The following FAN1 variants were observed in gnomAD, a reference collection of about 807,000 sequenced individuals.
FAN1 encodes FANCD2 and FANCI associated nuclease 1.
In FAN1, 91 loss-of-function variants were observed where a neutral mutation model predicts 104.9. That is an observed-to-expected ratio of 0.87 (90% CI 0.73 to 1.03). The LOEUF is 1.03. Ranked by LOEUF, FAN1 falls within the 50% of genes least tolerant of loss-of-function variation. The pLI, the probability that FAN1 is intolerant of heterozygous loss-of-function variation, is 0.00. For missense variants in FAN1, 1,263 were observed against 1,239.9 expected (o/e 1.02, Z -0.28); for synonymous variants, 478 against 457.6 (o/e 1.04, Z -0.57).
At chr15:30,925,988 C>G in intron 10 of FAN1, 49 bp downstream of exon 10, 2 of 1,594,302 alleles carry the variant, frequency 1.3e-6, no homozygotes. Flanking sequence ...GGTGGACGAG[C>G]AGCAGCACTG....
At position 30,905,915 on chromosome 15, in the gene FAN1, T is replaced by C. The variant is rs1566908465; in HGVS notation, c.1234+18T>C. 3 of 1,597,598 alleles carry C rather than the reference T, an allele frequency of 1.9e-6. No homozygotes were observed. Among genetic ancestry groups the C allele is most frequent in the Non-Finnish European group, 2.6e-6 (3 of 1,171,500 alleles). On this transcript the variant is annotated intron_variant, in intron 2 of 14. Coordinates refer to ENST00000362065, the MANE Select transcript of FAN1 (RefSeq NM_014967.5). ...GTTATCAGGTATCTTACGCACGTGT[T>C]TGTTTTCAAGTTTTCATTCCCCTTT...
intron 13 of FAN1, among the ~76,000 whole-genome samples, chr15:30,933,038 T>G (rs990917467): frequency 6.6e-6 from 1 of 152,136 alleles, no homozygotes; most frequent in African/African-American, 2.4e-5. Flanking sequence ...CTTACTGTAT[T>G]TTAATATCTG....
rs538570301 is a variant in FAN1, at chr15:30,940,281, A to G, written c.*4-1285A>G. On this transcript the variant is annotated intron_variant, in intron 14 of 14. Transcript: ENST00000362065. ...TTGTCACACAGTTTGGAAATACTTT[A>G]CTTTAGAGAGATTCAGATCAAGCAA... is the stretch of plus-strand genomic sequence containing the variant. The G allele has an allele frequency of 1.2e-4, 116 of 984,760 alleles. No individual in the cohort carries two copies. The South Asian group carries it at 4.3e-3, about 37-fold the overall frequency. The allele number at this position is 984,760 out of a possible 1,614,324, so 61.0% of individuals were successfully genotyped here.
chr15:30,928,045 A>C, intron 10 of FAN1: 1 of 991,246 alleles, frequency 1.0e-6, no homozygotes, highest in Non-Finnish European at 1.2e-6. Flanking sequence ...CAGGGGGATG[A>C]GGTGCATCAG....
chr15:30,929,190 C>T lies in FAN1; in HGVS notation c.2593-13C>T, dbSNP rs773472889. On this transcript the variant is annotated splice_polypyrimidine_tract_variant and intron_variant, in intron 11 of 14. Transcript: ENST00000362065. ...CAGGCACAGTATGACAGCTTGCTTT[C>T]CCTGTGACACAGGCATTCCCCCTGG... 5.6e-6 allele frequency: 9 copies of T among 1,608,944 alleles called. 1 individual carries two copies. The South Asian group carries it at 7.7e-5, about 14-fold the overall frequency.
intron 2 of FAN1, among the ~76,000 whole-genome samples, chr15:30,907,098 A>G (rs1233567429): frequency 1.3e-5 from 2 of 150,638 alleles, no homozygotes; most frequent in Non-Finnish European, 3.0e-5. Flanking sequence ...AAGTTCTTTT[A>G]GAGACAAGGT....
At chr15:30,927,580 G>A (rs1437721721) in intron 10 of FAN1, 3 of 985,460 alleles carry the variant, frequency 3.0e-6, no homozygotes, top group Admixed American at 6.2e-5. Flanking sequence ...CCCACTCACT[G>A]TGGTACCACG....
chr15:30,940,647 A>G (rs764216738), intron 14 of FAN1: 23 of 986,218 alleles, frequency 2.3e-5, no homozygotes, highest in Non-Finnish European at 2.5e-5. Context: ...CTGTGGAATC[A>G]GCACCCCAGA....
chr15:30,912,047 G>A (rs1272011049), intron 4 of FAN1, among the ~76,000 whole-genome samples: 3 of 132,168 alleles, frequency 2.3e-5, no homozygotes, highest in Non-Finnish European at 4.8e-5. Context: ...GGGTGACAGA[G>A]TGAGACTCCA....
chr15:30,942,799 GA>G lies in FAN1; in HGVS notation c.*1239del. 1 of 1,303,524 alleles carries G rather than the reference GA, an allele frequency of 7.7e-7. No individual in the cohort carries two copies. Among genetic ancestry groups the G allele is most frequent in the Non-Finnish European group, 1.0e-6 (1 of 962,584 alleles). The allele number at this position is 1,303,524 out of a possible 1,614,324, so 80.7% of individuals were successfully genotyped here. A position where few individuals can be genotyped will look rare whatever the true frequency, so the allele number is the denominator to read the frequency against. On this transcript the variant is annotated 3_prime_UTR_variant, in exon 15 of 15. Transcript: ENST00000362065. ...ACCCGCATTAGCAGTGTTACTCTTG[GA>G]AGTGCCTTTACTTTTAACGCTCTCT...
At chr15:30,916,810 A>T (rs1246894027) in intron 5 of FAN1, among the ~76,000 whole-genome samples, 2 of 152,228 alleles carry the variant, frequency 1.3e-5, no homozygotes, top group Admixed American at 1.3e-4. Context: ...ATAGAAATTA[A>T]CCACTATTTA....
chr15:30,938,724 G>A (rs1256006199), intron 14 of FAN1, among the ~76,000 whole-genome samples: 1 of 152,132 alleles, frequency 6.6e-6, no homozygotes, highest in African/African-American at 2.4e-5. Context: ...TTTATTGAAT[G>A]GAAGGACCAG....
At chr15:30,918,891 G>A (rs768183212) in intron 6 of FAN1, among the ~76,000 whole-genome samples, 1 of 152,064 alleles carries the variant, frequency 6.6e-6, no homozygotes, top group Non-Finnish European at 1.5e-5. Context: ...TGATGCAGGG[G>A]TTGGGGTACC....
At chr15:30,913,713 C>G in intron 4 of FAN1, 145 bp from the exon 5 acceptor site, 1 of 620,984 alleles carries the variant, frequency 1.6e-6, no homozygotes, top group East Asian at 2.7e-5. Context: ...TGGGTGAGCT[C>G]TCAGCCCCAG....
chr15:30,941,527 T>A (rs1386201857), intron 14 of FAN1, 39 bp from the exon 15 acceptor site: 2 of 1,610,496 alleles, frequency 1.2e-6, no homozygotes, highest in Non-Finnish European at 1.7e-6. Flanking sequence ...CACTTAAAAA[T>A]TTGCTTAATG....
At chr15:30,913,138 A>G (rs747259540) in intron 4 of FAN1, among the ~76,000 whole-genome samples, 1 of 152,176 alleles carries the variant, frequency 6.6e-6, no homozygotes, top group African/African-American at 2.4e-5. Context: ...TGTGCCAGAG[A>G]GCATGACCGC....
At chr15:30,941,371 A>G in intron 14 of FAN1, 195 bp from the exon 15 acceptor site, 1 of 1,536,554 alleles carries the variant, frequency 6.5e-7, no homozygotes, top group Non-Finnish European at 8.7e-7. Flanking sequence ...TTATTCTTAC[A>G]TATAAAGTTA....
intron 10 of FAN1, chr15:30,927,089 A>T: frequency 1.1e-6 from 1 of 950,752 alleles, no homozygotes; most frequent in Non-Finnish European, 1.3e-6. Flanking sequence ...AGACAGGAGG[A>T]TCACTTGAAC....
chr15:30,924,022 C>T (rs61997076), intron 8 of FAN1, among the ~76,000 whole-genome samples: 29,894 of 152,118 alleles, frequency 0.2, 3,984 homozygotes, highest in Non-Finnish European at 0.29. Context: ...GCCCTGGCGA[C>T]GACGTCTCAT....
Sources: allele counts gnomAD v4.1 joint callset (sites outside exome capture counted in the v4.1 genomes callset), GRCh38; gene constraint gnomAD v4.1.1; transcripts MANE v1.5; gene names NCBI Gene and HGNC (gene_info 2026-07-23, HGNC 2026-07-21).